CNPY1: variants seen among roughly 807,000 people sequenced by gnomAD.
CNPY1 encodes protein canopy homolog 1.
Under a neutral mutation model 14.4 loss-of-function variants are expected in CNPY1, and 14 were observed. That is an observed-to-expected ratio of 0.97 (90% confidence interval 0.64 to 1.52). The LOEUF (loss-of-function observed/expected upper bound fraction) is 1.52, where lower values mean the gene tolerates loss of function less well. Ranked by LOEUF, CNPY1 falls within the 40% of genes most tolerant of loss-of-function variation. CNPY1 has a pLI of 0.00. For synonymous variants in CNPY1, 43 were observed against 46.5 expected (o/e 0.92, Z 0.31); for missense variants, 129 against 131.5 (o/e 0.98, Z 0.09).
chr7:155,545,287 G>C (rs765410382), intron 2 of CNPY1, among the ~76,000 whole-genome samples: 1 of 152,176 alleles, frequency 6.6e-6, no homozygotes, highest in Non-Finnish European at 1.5e-5. Context: ...GTCCCGCCTG[G>C]TGTCTTAGAC....
intron 2 of CNPY1, among the ~76,000 whole-genome samples, chr7:155,517,723 T>C (rs2116707880): frequency 6.6e-6 from 1 of 152,332 alleles, no homozygotes; most frequent in East Asian, 1.9e-4. Context: ...ACCTGAATGC[T>C]AGCCTGGCTT....
At chr7:155,525,072 C>G (rs763514956) in intron 2 of CNPY1, among the ~76,000 whole-genome samples, 2 of 152,234 alleles carry the variant, frequency 1.3e-5, no homozygotes, top group Non-Finnish European at 2.9e-5. Context: ...CTTTCTCTCT[C>G]TCTCAGCACT....
rs537087598 is a variant in CNPY1 at position 155,525,832 on chromosome 7, G to A, written c.100-16735C>T. Among the ~76,000 whole-genome samples, 4 of 152,322 alleles carry A rather than the reference G, an allele frequency of 2.6e-5. No homozygotes were observed. The South Asian group carries it at 8.3e-4, about 32-fold the overall frequency. On this transcript the variant is annotated intron_variant, in intron 2 of 4. Transcript: ENST00000636446. ...TCATTAAATTAAATACCCAGTAGGTGAACAGGTGCCTAACTCCTCTGTTTT... is the reference window on the plus strand; with the variant it reads ...TCATTAAATTAAATACCCAGTAGGTAAACAGGTGCCTAACTCCTCTGTTTT...
At chr7:155,535,346 C>T (rs1387512570) in intron 2 of CNPY1, among the ~76,000 whole-genome samples, 1 of 152,164 alleles carries the variant, frequency 6.6e-6, no homozygotes, top group Non-Finnish European at 1.5e-5. Context: ...AGAGCCTTCT[C>T]AGTTTGAACA....
intron 2 of CNPY1, among the ~76,000 whole-genome samples, chr7:155,534,394 T>G (rs1160599567): frequency 6.6e-6 from 1 of 152,056 alleles, no homozygotes; most frequent in African/African-American, 2.4e-5. Context: ...TAGACACACA[T>G]GCACGTGTAC....
chr7:155,511,372 C>T (rs1796528146), intron 2 of CNPY1, among the ~76,000 whole-genome samples: 1 of 152,134 alleles, frequency 6.6e-6, no homozygotes, highest in Admixed American at 6.5e-5. Context: ...AGTTGCTGAG[C>T]ATATAAGTTT....
intron 2 of CNPY1, among the ~76,000 whole-genome samples, chr7:155,520,428 C>CTTTCT (rs1796697772): frequency 1.4e-5 from 1 of 69,412 alleles, no homozygotes; most frequent in African/African-American, 6.2e-5. Context: ...TTCTTTCTTT[C>CTTTCT]TTTTTTTTTT....
chr7:155,505,246 C>G (rs1247531802), intron 4 of CNPY1, among the ~76,000 whole-genome samples: 1 of 152,196 alleles, frequency 6.6e-6, no homozygotes, highest in Non-Finnish European at 1.5e-5. Context: ...TACGTAGCGG[C>G]TCAATGGTGG....
chr7:155,527,054 C>CTTTCTTTCTTTCTTTTTTTT (rs56296833), intron 2 of CNPY1, among the ~76,000 whole-genome samples: 7 of 90,358 alleles, frequency 7.7e-5, no homozygotes, highest in African/African-American at 3.5e-4. Context: ...TTCTTTCTTT[C>CTTTCTTTCTTTCTTTTTTTT]TTTTTTTTTT....
chr7:155,530,923 C>G (rs1563094802), intron 2 of CNPY1, among the ~76,000 whole-genome samples: 3 of 152,214 alleles, frequency 2.0e-5, no homozygotes, highest in Non-Finnish European at 4.4e-5. Flanking sequence ...GGGAACAAAA[C>G]CATCCCCAGT....
At chr7:155,534,338 G>C (rs13246139) in intron 2 of CNPY1, among the ~76,000 whole-genome samples, 2 of 78,918 alleles carry the variant, frequency 2.5e-5, no homozygotes, top group Non-Finnish European at 6.5e-5. Flanking sequence ...CACGTGCACA[G>C]AGGCACACAT....
At chr7:155,509,285 T>C (rs551768451) in intron 2 of CNPY1, among the ~76,000 whole-genome samples, 188 bp from the exon 3 acceptor site, 1 of 152,332 alleles carries the variant, frequency 6.6e-6, no homozygotes, top group Admixed American at 6.5e-5. Context: ...TTTACATCAT[T>C]ACGGGGCTAG....
chr7:155,510,205 G>T (rs113737832), intron 2 of CNPY1: 6 of 152,334 alleles, frequency 3.9e-5, no homozygotes, highest in African/African-American at 1.2e-4. Flanking sequence ...TCACAGGCGC[G>T]CTCGGGGCGC....
At position 155,525,937 on chromosome 7, in the gene CNPY1, A is replaced by G. The variant is rs1796811392; in HGVS notation, c.100-16840T>C. Among the ~76,000 whole-genome samples, 2 of 152,242 alleles carry G rather than the reference A, an allele frequency of 1.3e-5. 1 individual carries two copies. The highest frequency in any genetic ancestry group is 4.1e-4 in the South Asian group (2 of 4,834). On this transcript the variant is annotated intron_variant, in intron 2 of 4. Transcript: ENST00000636446. ...CAACTCCTCATAGAATTAACATGAC[A>G]TAGCTATTATCAACTACTTATTCTT...
chr7:155,504,091 GA>G (rs1370159512), intron 4 of CNPY1, among the ~76,000 whole-genome samples: 1 of 151,812 alleles, frequency 6.6e-6, no homozygotes, highest in African/African-American at 2.4e-5. Context: ...TCTTGCCTAG[GA>G]AAAAAAGAGA....
At position 155,536,757 on chromosome 7, in the gene CNPY1, C is replaced by A. The variant is rs1301656276; in HGVS notation, c.99+9074G>T. Among the ~76,000 whole-genome samples the A allele has an allele frequency of 6.6e-6, 1 of 152,212 alleles. No individual in the cohort carries two copies. Among genetic ancestry groups the A allele is most frequent in the Non-Finnish European group, 1.5e-5 (1 of 68,044 alleles). On this transcript the variant is annotated intron_variant, in intron 2 of 4. Transcript: ENST00000636446. This position sits in a 1 kb window ranked among gnomAD's most constrained non-coding sequence, Gnocchi z 4.1. ...TGGAGCAGAGCCCCGTGCCAACCCA[C>A]ACTAGACTACGACATGAGCAAGAAG...
chr7:155,539,310 A>T (rs934729106), intron 2 of CNPY1, among the ~76,000 whole-genome samples: 1 of 152,132 alleles, frequency 6.6e-6, no homozygotes, highest in Non-Finnish European at 1.5e-5. Context: ...CACTTCTTAC[A>T]CCAAAACCCA....
In CNPY1 at chr7:155,502,590, C is replaced by G. The variant is rs533761553; in HGVS notation, c.*478G>C. 6.5e-6 allele frequency: 1 copy of G among 153,200 alleles called. No individual in the cohort carries two copies. The highest frequency in any genetic ancestry group is 2.1e-4 in the South Asian group (1 of 4,858). 9.5% of individuals were successfully genotyped at this position (153,200 alleles called of 1,614,324 possible). On this transcript the variant is annotated 3_prime_UTR_variant, in exon 5 of 5. Coordinates refer to ENST00000636446, the MANE Select transcript of CNPY1 (RefSeq NM_001393663.1). ...GGGTTTCTTTCACTAATAGCCATAT[C>G]TCACCCAGAAGGCCACATTTTGAAT...
chr7:155,534,512 T>C (rs1032631681), intron 2 of CNPY1, among the ~76,000 whole-genome samples: 4 of 152,226 alleles, frequency 2.6e-5, no homozygotes, highest in African/African-American at 7.2e-5. Flanking sequence ...GTTTCCACCC[T>C]GGCCTGATGA....
Sources: gnomAD v4.1 joint callset for allele counts (sites outside exome capture counted in the v4.1 genomes callset) on GRCh38, gnomAD v4.1.1 for gene constraint, Gnocchi (gnomAD v3.1) non-coding constraint, MANE v1.5 for transcripts, NCBI Gene and HGNC (gene_info 2026-07-23, HGNC 2026-07-21) for gene names.